Variants in RBFOX1 observed in about 807,000 individuals in gnomAD.
RBFOX1 encodes RNA binding protein fox-1 homolog 1.
A neutral mutation model predicts 57.7 loss-of-function variants in RBFOX1; 8 were observed. The observed-to-expected ratio is 0.14, with a 90% confidence interval of 0.08 to 0.25. RBFOX1 has a LOEUF of 0.25. Ranked by LOEUF, RBFOX1 falls within the 10% of genes least tolerant of loss-of-function variation. The pLI, the probability that RBFOX1 is intolerant of heterozygous loss-of-function variation, is 1.00. For synonymous variants in RBFOX1, 326 were observed against 222.4 expected (o/e 1.47, Z -4.15); for missense variants, 611 against 548.5 (o/e 1.11, Z -1.14).
At chr16:7,218,318 A>T (rs190378371) in intron 4 of RBFOX1, among the ~76,000 whole-genome samples, 1 of 152,290 alleles carries the variant, frequency 6.6e-6, no homozygotes, top group East Asian at 1.9e-4. Context: ...TAATACTCTA[A>T]GCCATCATCA....
At chr16:6,313,952 G>C (rs1283582499) in intron 1 of RBFOX1, among the ~76,000 whole-genome samples, 3 of 152,086 alleles carry the variant, frequency 2.0e-5, no homozygotes, top group Non-Finnish European at 2.9e-5. Flanking sequence ...CTCAGCCTCT[G>C]TTTTTATAAA....
At chr16:5,877,657 G>C (rs1433513542) in intron 4 of RBFOX1, among the ~76,000 whole-genome samples, 1 of 152,252 alleles carries the variant, frequency 6.6e-6, no homozygotes, top group South Asian at 2.1e-4. Context: ...CAGAGGGACT[G>C]CTCCTTCCTG....
intron 3 of RBFOX1, among the ~76,000 whole-genome samples, chr16:6,732,727 C>A (rs2068985672): frequency 6.6e-6 from 1 of 152,176 alleles, no homozygotes; most frequent in Non-Finnish European, 1.5e-5. Flanking sequence ...CTGATTTATG[C>A]CATGGGAGAA....
At chr16:7,438,007 T>G (rs890182933) in intron 4 of RBFOX1, among the ~76,000 whole-genome samples, 1 of 152,142 alleles carries the variant, frequency 6.6e-6, no homozygotes, top group Non-Finnish European at 1.5e-5. Flanking sequence ...CCACGTGGAA[T>G]AATCCCTGCA....
intron 2 of RBFOX1, among the ~76,000 whole-genome samples, chr16:5,530,006 A>G (rs1004594346): frequency 6.6e-6 from 1 of 152,154 alleles, no homozygotes; most frequent in Admixed American, 6.5e-5. Flanking sequence ...TCTTCCTCAC[A>G]GCCCTGAGAA....
intron 1 of RBFOX1, among the ~76,000 whole-genome samples, chr16:6,230,345 A>C (rs1408130791): frequency 6.6e-6 from 1 of 152,130 alleles, no homozygotes; most frequent in Non-Finnish European, 1.5e-5. Flanking sequence ...TATAAGGAAA[A>C]AATATTTATT....
chr16:6,896,558 A>G (rs930467617), intron 3 of RBFOX1, among the ~76,000 whole-genome samples: 5 of 152,174 alleles, frequency 3.3e-5, no homozygotes, highest in African/African-American at 9.7e-5. Context: ...AGTTAACATA[A>G]TAATCTCCAG....
chr16:6,052,838 T>TAATAATAATAA (rs1567340009), intron 1 of RBFOX1, among the ~76,000 whole-genome samples: 4 of 87,208 alleles, frequency 4.6e-5, no homozygotes, highest in East Asian at 3.8e-4. Flanking sequence ...AATAATAATA[T>TAATAATAATAA]TAATGCCTAT....
chr16:5,425,701 G>C (rs1463875774), intron 1 of RBFOX1, among the ~76,000 whole-genome samples: 1 of 152,166 alleles, frequency 6.6e-6, no homozygotes, highest in Non-Finnish European at 1.5e-5. Context: ...GCAGGGGAGA[G>C]TGGCAAGAGG....
rs9746523 is a variant in RBFOX1 at position 7,062,199 on chromosome 16, G to A, written c.27+10101G>A. On this transcript the variant is annotated intron_variant, in intron 4 of 15. Transcript: ENST00000550418. ...CTGGGCATGGTGGCGGGTGCCTGCA[G>A]TTCCAGCTACTCAGGAGGCTGAGGC... Among the ~76,000 whole-genome samples the A allele has an allele frequency of 6.6e-3, 993 of 151,144 alleles. 11 individuals carry two copies. The highest frequency in any genetic ancestry group is 0.023 in the African/African-American group (939 of 41,156).
At chr16:7,337,765 A>G (rs1277634934) in intron 4 of RBFOX1, among the ~76,000 whole-genome samples, 1 of 151,752 alleles carries the variant, frequency 6.6e-6, no homozygotes, top group Non-Finnish European at 1.5e-5. Context: ...GCTCATTGCA[A>G]CCTCCACCTC....
chr16:6,282,011 C>T (rs962629453), intron 1 of RBFOX1, among the ~76,000 whole-genome samples: 1 of 152,214 alleles, frequency 6.6e-6, no homozygotes, highest in Admixed American at 6.5e-5. Context: ...TAAAAATGTA[C>T]CACTCTATAG....
chr16:7,304,157 G>T (rs2096109492), intron 4 of RBFOX1: 1 of 966,224 alleles, frequency 1.0e-6, no homozygotes, highest in Admixed American at 6.2e-5. Flanking sequence ...GGAGGGACCG[G>T]CGGGGTGCGG....
intron 1 of RBFOX1, among the ~76,000 whole-genome samples, chr16:5,331,977 C>T (rs373641659): frequency 6.6e-5 from 10 of 152,214 alleles, no homozygotes; most frequent in Admixed American, 1.3e-4. Flanking sequence ...AAGGGGTTTT[C>T]GAATCTGGAC....
rs796279138 is a variant in RBFOX1 at position 5,569,438 on chromosome 16, C to CTTTTTTTTTTTTTTTTTTTTTTTTTT, written c.259-29460_259-29435dup. Among the ~76,000 whole-genome samples, 14 of 49,196 alleles carry CTTTTTTTTTTTTTTTTTTTTTTTTTT rather than the reference C, an allele frequency of 2.8e-4. 1 individual carries two copies. The highest frequency in any genetic ancestry group is 5.2e-4 in the Non-Finnish European group (13 of 25,002). 32.3% of individuals were successfully genotyped at this position (49,196 alleles called of 152,430 possible). A position where few individuals can be genotyped will look rare whatever the true frequency, so the allele number is the denominator to read the frequency against. Reference sequence around the variant, plus strand: ...GTAAGGGTTAATGATAAGAAGTAACCTTTTTTTTTTTTTTTTTTTTTTTTT... The same window carrying CTTTTTTTTTTTTTTTTTTTTTTTTTT: ...GTAAGGGTTAATGATAAGAAGTAACCTTTTTTTTTTTTTTTTTTTTTTTTTTTTTTTTTTTTTTTTTTTTTTTTTTT... On this transcript the variant is annotated intron_variant, in intron 2 of 2. Transcript: ENST00000585867.
intron 2 of RBFOX1, among the ~76,000 whole-genome samples, chr16:5,519,586 G>A (rs536240546): frequency 1.8e-4 from 28 of 152,236 alleles, no homozygotes; most frequent in African/African-American, 6.7e-4. Context: ...TTATCCAGGT[G>A]TGGTGGTGTA....
intron 4 of RBFOX1, among the ~76,000 whole-genome samples, chr16:7,052,971 T>TA (rs113386537): frequency 0.019 from 2,822 of 152,328 alleles, 77 homozygotes; most frequent in African/African-American, 0.065. Context: ...ATGCTGCTTT[T>TA]AAAACCACAA....
At chr16:7,124,287 G>A (rs1341276515) in intron 4 of RBFOX1, among the ~76,000 whole-genome samples, 1 of 152,116 alleles carries the variant, frequency 6.6e-6, no homozygotes, top group Non-Finnish European at 1.5e-5. Flanking sequence ...AGTGGTGTGT[G>A]CCTTTGGTTC....
At chr16:5,820,548 A>T (rs2055811266) in intron 3 of RBFOX1, among the ~76,000 whole-genome samples, 1 of 152,070 alleles carries the variant, frequency 6.6e-6, no homozygotes, top group African/African-American at 2.4e-5. Flanking sequence ...CATCAGCCTA[A>T]CTAATTTCTT....
Sources: allele counts gnomAD v4.1 joint callset (sites outside exome capture counted in the v4.1 genomes callset), GRCh38; gene constraint gnomAD v4.1.1; transcripts MANE v1.5; gene names NCBI Gene and HGNC (gene_info 2026-07-23, HGNC 2026-07-21).